GREB1L: variants seen among roughly 807,000 people sequenced by gnomAD.
GREB1L encodes the protein GREB1 like retinoic acid receptor coactivator.
Under a neutral mutation model 200.8 loss-of-function variants are expected in GREB1L, and 17 were observed. That is an observed-to-expected ratio of 0.08 (90% confidence interval 0.06 to 0.13). The LOEUF is 0.13. Among genes scored for constraint, GREB1L ranks in the 10% least tolerant of loss-of-function variants. The pLI, the probability that GREB1L is intolerant of heterozygous loss-of-function variation, is 1.00. For synonymous variants in GREB1L, 789 were observed against 893.0 expected (o/e 0.88, Z 2.08); for missense variants, 1,657 against 2,367.7 (o/e 0.70, Z 6.23).
intron 4 of GREB1L, among the ~76,000 whole-genome samples, chr18:21,389,649 C>T (rs2040710923): frequency 6.6e-6 from 1 of 152,164 alleles, no homozygotes; most frequent in Non-Finnish European, 1.5e-5. Flanking sequence ...GCCTTCTCTA[C>T]TCTATACCTC....
At chr18:21,247,110 A>G (rs147261554) in intron 1 of GREB1L, among the ~76,000 whole-genome samples, 116 of 152,214 alleles carry the variant, frequency 7.6e-4, no homozygotes, top group African/African-American at 2.7e-3. Context: ...AGGGCTCCCT[A>G]TTGTGTACAC....
intron 1 of GREB1L, among the ~76,000 whole-genome samples, chr18:21,350,421 T>A (rs1337020807): frequency 1.3e-5 from 2 of 151,958 alleles, no homozygotes; most frequent in Non-Finnish European, 2.9e-5. Context: ...GTATTTTTAG[T>A]AGACATGGGG....
At chr18:21,477,481 C>T in intron 17 of GREB1L, 125 bp downstream of exon 17, 1 of 782,790 alleles carries the variant, frequency 1.3e-6, no homozygotes, top group African/African-American at 1.8e-5. Flanking sequence ...TAACGTAATG[C>T]TTTATGTAAG....
At chr18:21,282,781 G>A (rs2038291538) in intron 1 of GREB1L, among the ~76,000 whole-genome samples, 1 of 152,092 alleles carries the variant, frequency 6.6e-6, no homozygotes, top group South Asian at 2.1e-4. Context: ...TGTATTTTTA[G>A]TAGAGGCAGG....
At chr18:21,506,214 T>G (rs990099499) in intron 25 of GREB1L, among the ~76,000 whole-genome samples, 1 of 151,994 alleles carries the variant, frequency 6.6e-6, no homozygotes, top group Admixed American at 6.6e-5. Flanking sequence ...GCCAACATGG[T>G]GAAACCCCGT....
Position 21,384,207 on chromosome 18 carries a change from T to A in GREB1L, c.159T>A (p.Asp53Glu), listed in dbSNP as rs747354969. ...GCTGTGATTTATTTGCTTACCCAGATGTCAAACCCAAGGTGGAGGATCTGG... is the reference window on the plus strand; with the variant it reads ...GCTGTGATTTATTTGCTTACCCAGAAGTCAAACCCAAGGTGGAGGATCTGG... ...DPDQHPFSSA[D>E]VKPKVEDLDK... Residue 53 changes from aspartate (D) to glutamate (E), a missense_variant and splice_region_variant, in exon 4 of 33, where the codon GAT becomes GAA. By Grantham distance (45) the Asp-to-Glu change is conservative. Around this residue, in one of 9 missense-constraint regions of GREB1L, gnomAD observed 121 missense variants for 126.6 expected, o/e 0.96. Transcript: ENST00000424526. 1.9e-6 allele frequency: 3 copies of A among 1,544,480 alleles called. No homozygotes were observed. The highest frequency in any genetic ancestry group is 2.6e-6 in the Non-Finnish European group (3 of 1,140,670).
At chr18:21,326,157 A>G (rs1214985571) in intron 1 of GREB1L, among the ~76,000 whole-genome samples, 1 of 152,220 alleles carries the variant, frequency 6.6e-6, no homozygotes, top group Admixed American at 6.5e-5. Flanking sequence ...TGTTTTTAGC[A>G]TATGAAAATA....
At chr18:21,327,414 A>C (rs1000000560) in intron 1 of GREB1L, among the ~76,000 whole-genome samples, 1 of 152,052 alleles carries the variant, frequency 6.6e-6, no homozygotes, top group Non-Finnish European at 1.5e-5. Flanking sequence ...CCTTAAATAA[A>C]CGACATCTCA....
intron 1 of GREB1L, among the ~76,000 whole-genome samples, chr18:21,291,278 G>A (rs1284457441): frequency 6.6e-6 from 1 of 152,022 alleles, no homozygotes; most frequent in Admixed American, 6.5e-5. Context: ...GTGCTGTCCC[G>A]CCCTGACTCT....
chr18:21,323,012 C>T (rs1010720142), intron 1 of GREB1L, among the ~76,000 whole-genome samples: 1 of 151,980 alleles, frequency 6.6e-6, no homozygotes. Flanking sequence ...TGGCTGGGCA[C>T]AGTGGCTCAC....
At chr18:21,510,969 C>A (rs2037217202) in intron 27 of GREB1L, among the ~76,000 whole-genome samples, 1 of 152,008 alleles carries the variant, frequency 6.6e-6, no homozygotes, top group Non-Finnish European at 1.5e-5. Flanking sequence ...AGACTTGTCT[C>A]CAAAGTCCTT....
chr18:21,357,175 C>T (rs2039516537), intron 1 of GREB1L, among the ~76,000 whole-genome samples: 1 of 152,136 alleles, frequency 6.6e-6, no homozygotes, highest in African/African-American at 2.4e-5. Context: ...CTGCCTCCGC[C>T]TCCTGAGTAG....
chr18:21,426,538 C>T (rs1401399060), intron 7 of GREB1L, among the ~76,000 whole-genome samples: 1 of 152,182 alleles, frequency 6.6e-6, no homozygotes. Context: ...TCTGGACTCT[C>T]AGTGTTATTT....
intron 15 of GREB1L, among the ~76,000 whole-genome samples, chr18:21,458,972 A>C (rs1475343129): frequency 6.6e-6 from 1 of 152,094 alleles, no homozygotes; most frequent in Admixed American, 6.6e-5. Context: ...AGAGAAGTAC[A>C]GGAAGTGACT....
intron 1 of GREB1L, among the ~76,000 whole-genome samples, chr18:21,291,844 AC>A (rs1268338538): frequency 6.6e-6 from 1 of 152,154 alleles, no homozygotes; most frequent in Non-Finnish European, 1.5e-5. Context: ...CTACATAATG[AC>A]ACCAAAAGGC....
At chr18:21,377,314 C>T (rs76383105) in intron 2 of GREB1L, among the ~76,000 whole-genome samples, 1,785 of 152,080 alleles carry the variant, frequency 0.012, 34 homozygotes, top group African/African-American at 0.04. Flanking sequence ...AATGCTTCCA[C>T]GCCTCTCCTC....
intron 14 of GREB1L, among the ~76,000 whole-genome samples, chr18:21,453,646 A>C (rs1954390270): frequency 6.6e-6 from 1 of 152,300 alleles, no homozygotes; most frequent in East Asian, 1.9e-4. Context: ...TGTTTTTGTA[A>C]TATGTCACCT....
intron 15 of GREB1L, among the ~76,000 whole-genome samples, chr18:21,462,147 C>T (rs2035069892): frequency 6.6e-6 from 1 of 152,228 alleles, no homozygotes; most frequent in Non-Finnish European, 1.5e-5. Context: ...CCCTGGATCT[C>T]TTAGTACCAC....
chr18:21,520,142 C>T (rs1598965500), intron 31 of GREB1L, among the ~76,000 whole-genome samples: 2 of 152,082 alleles, frequency 1.3e-5, no homozygotes, highest in South Asian at 4.1e-4. Flanking sequence ...AATTTTGCCA[C>T]GTTGGCCAGA....
Sources: gnomAD v4.1 joint callset for allele counts (sites outside exome capture counted in the v4.1 genomes callset) on GRCh38, gnomAD v4.1.1 for gene constraint, gnomAD v4.1.1 regional missense constraint, MANE v1.5 for transcripts, NCBI Gene and HGNC (gene_info 2026-07-23, HGNC 2026-07-21) for gene names.